The following PBX3 variants were observed in gnomAD, a reference collection of about 807,000 sequenced individuals.
PBX3 encodes the protein PBX homeobox 3.
A neutral mutation model predicts 48.5 loss-of-function variants in PBX3; 14 were observed. The observed-to-expected ratio is 0.29, with a 90% confidence interval of 0.19 to 0.45. The LOEUF (loss-of-function observed/expected upper bound fraction) is 0.45. Ranked by LOEUF, PBX3 falls within the 20% of genes least tolerant of loss-of-function variation. The probability of loss-of-function intolerance (pLI) is 1.00; values close to 1 mark genes in which losing one functional copy is unlikely to be tolerated. For missense variants in PBX3, 386 were observed against 546.7 expected, an observed-to-expected ratio of 0.71 and a Z score of 2.93; for synonymous variants, 210 against 200.3, an observed-to-expected ratio of 1.05 and a Z score of -0.41.
intron 2 of PBX3, among the ~76,000 whole-genome samples, chr9:125,761,477 A>T (rs1253467242): frequency 2.0e-5 from 3 of 152,092 alleles, no homozygotes; most frequent in Non-Finnish European, 4.4e-5. Context: ...TAGAGTAACC[A>T]TTTTAATGAG....
At chr9:125,779,585 CAGATCAA>C (rs1415511810) in intron 2 of PBX3, among the ~76,000 whole-genome samples, 1 of 88,350 alleles carries the variant, frequency 1.1e-5, no homozygotes, top group African/African-American at 5.3e-5. Context: ...GGTAAGGTCA[CAGATCAA>C]CAGGATCCCA....
intron 2 of PBX3, among the ~76,000 whole-genome samples, chr9:125,874,619 T>C (rs1401689275): frequency 2.6e-5 from 4 of 152,210 alleles, no homozygotes; most frequent in African/African-American, 9.6e-5. Context: ...ATATGCATTC[T>C]TTTGAAGTGC....
At chr9:125,807,326 G>A (rs1814957350) in intron 2 of PBX3, among the ~76,000 whole-genome samples, 1 of 150,362 alleles carries the variant, frequency 6.7e-6, no homozygotes, top group Non-Finnish European at 1.5e-5. Flanking sequence ...GTAAAACTCT[G>A]ACTCAAAAAA....
At chr9:125,906,153 G>T (rs1841066993) in intron 2 of PBX3, among the ~76,000 whole-genome samples, 1 of 151,942 alleles carries the variant, frequency 6.6e-6, no homozygotes, top group Non-Finnish European at 1.5e-5. Context: ...TTAAAATCAT[G>T]TGGAAAGTCT....
intron 2 of PBX3, among the ~76,000 whole-genome samples, chr9:125,850,057 T>G (rs1390912016): frequency 6.6e-6 from 1 of 152,024 alleles, no homozygotes; most frequent in African/African-American, 2.4e-5. Context: ...AAAAAGTCCT[T>G]AAATATATAT....
intron 2 of PBX3, among the ~76,000 whole-genome samples, chr9:125,753,260 T>C (rs1417974869): frequency 2.0e-5 from 3 of 149,858 alleles, no homozygotes; most frequent in Non-Finnish European, 4.4e-5. Context: ...TTTATCAATA[T>C]ATTTTTCTTA....
chr9:125,813,010 C>A (rs776789267), intron 2 of PBX3, among the ~76,000 whole-genome samples: 1 of 152,086 alleles, frequency 6.6e-6, no homozygotes, highest in African/African-American at 2.4e-5. Flanking sequence ...GTGCATACTA[C>A]CGCACACTTT....
chr9:125,888,716 G>A (rs1485367083), intron 2 of PBX3, among the ~76,000 whole-genome samples: 1 of 152,070 alleles, frequency 6.6e-6, no homozygotes, highest in Non-Finnish European at 1.5e-5. Context: ...CCCTGTTTCA[G>A]TCTAAATGAA....
intron 2 of PBX3, among the ~76,000 whole-genome samples, chr9:125,792,855 C>T (rs887022930): frequency 1.2e-4 from 18 of 149,862 alleles, no homozygotes; most frequent in Admixed American, 2.7e-4. Context: ...TGTGCCACCA[C>T]GCCCGGCTAA....
intron 2 of PBX3, among the ~76,000 whole-genome samples, chr9:125,849,549 C>T (rs1839520401): frequency 6.6e-6 from 1 of 151,876 alleles, no homozygotes; most frequent in South Asian, 2.1e-4. Context: ...TTCATTGATT[C>T]TAAGATGTTC....
At chr9:125,800,643 T>TA (rs1837913112) in intron 2 of PBX3, among the ~76,000 whole-genome samples, 2 of 152,164 alleles carry the variant, frequency 1.3e-5, no homozygotes, top group Non-Finnish European at 2.9e-5. Flanking sequence ...GTTTTTTTTT[T>TA]ATAGCTTCAT....
In PBX3 at chr9:125,876,993, C is replaced by T. The variant is rs565777975; in HGVS notation, c.275-38693C>T. Among the ~76,000 whole-genome samples the T allele has an allele frequency of 1.3e-3, 205 of 151,966 alleles. 1 individual carries two copies. The highest frequency in any genetic ancestry group is 4.7e-3 in the African/African-American group (193 of 41,454). The stretch of plus-strand genomic sequence containing the variant: ...TTCACCATATTGGCCAGGCTGGTCT[C>T]GAACTCCTGACCTTGTGATCTGCCT... On this transcript the variant is annotated intron_variant, in intron 2 of 8. Transcript: ENST00000373489.
At chr9:125,904,472 A>T (rs1319978327) in intron 2 of PBX3, among the ~76,000 whole-genome samples, 1 of 151,858 alleles carries the variant, frequency 6.6e-6, no homozygotes, top group Non-Finnish European at 1.5e-5. Context: ...TCAGCATTAC[A>T]CATTGTTTGT....
At chr9:125,770,714 G>C (rs1016204990) in intron 2 of PBX3, among the ~76,000 whole-genome samples, 9 of 152,120 alleles carry the variant, frequency 5.9e-5, no homozygotes, top group African/African-American at 2.2e-4. Context: ...AAGCTGGGAA[G>C]CTGCTATTGT....
intron 2 of PBX3, among the ~76,000 whole-genome samples, chr9:125,788,698 C>T (rs995089895): frequency 1.4e-4 from 21 of 152,058 alleles, no homozygotes; most frequent in Non-Finnish European, 3.1e-4. Flanking sequence ...CACAGTGAAA[C>T]CCCGTCTCTA....
chr9:125,814,226 G>A (rs1838391515), intron 2 of PBX3, among the ~76,000 whole-genome samples: 1 of 100,746 alleles, frequency 9.9e-6, no homozygotes, highest in Admixed American at 1.1e-4. Flanking sequence ...CTTCAAAGAT[G>A]GGTACTTTCA....
intron 2 of PBX3, among the ~76,000 whole-genome samples, chr9:125,855,936 A>G (rs1406773664): frequency 6.6e-6 from 1 of 152,138 alleles, no homozygotes; most frequent in African/African-American, 2.4e-5. Flanking sequence ...ATAGCTTTGC[A>G]CTCTATCTTT....
intron 2 of PBX3, among the ~76,000 whole-genome samples, chr9:125,772,855 C>T (rs1836975813): frequency 6.6e-6 from 1 of 152,180 alleles, no homozygotes; most frequent in Admixed American, 6.5e-5. Context: ...TGCTTCAGCC[C>T]AGGAGTTTGA....
intron 2 of PBX3, among the ~76,000 whole-genome samples, chr9:125,876,021 G>A (rs749253786): frequency 6.6e-6 from 1 of 152,040 alleles, no homozygotes; most frequent in African/African-American, 2.4e-5. Flanking sequence ...CTTTCCTTAA[G>A]GACAATTCAT....
Sources: allele counts gnomAD v4.1 joint callset (sites outside exome capture counted in the v4.1 genomes callset), GRCh38; gene constraint gnomAD v4.1.1; transcripts MANE v1.5; gene names NCBI Gene and HGNC (gene_info 2026-07-23, HGNC 2026-07-21).